The following SOX5 variants were observed in gnomAD, a reference collection of about 807,000 sequenced individuals.
SOX5 encodes SRY-box transcription factor 5.
In SOX5, 9 loss-of-function variants were observed where a neutral mutation model predicts 92.0. The ratio of observed to expected loss-of-function variants is 0.10; its 90% CI spans 0.06 to 0.17. The LOEUF is 0.17. Among genes scored for constraint, SOX5 ranks in the 10% least tolerant of loss-of-function variants. SOX5 has a pLI of 1.00. For synonymous variants in SOX5, 344 were observed against 336.3 expected (o/e 1.02, Z -0.25); for missense variants, 642 against 944.5 (o/e 0.68, Z 4.20).
At chr12:24,378,655 A>G (rs1957524437) in intron 1 of SOX5, among the ~76,000 whole-genome samples, 1 of 152,230 alleles carries the variant, frequency 6.6e-6, no homozygotes, top group Admixed American at 6.5e-5. Context: ...TCTTGCTGCA[A>G]CTTAGCAGAT....
intron 8 of SOX5, among the ~76,000 whole-genome samples, chr12:23,616,173 A>C (rs1440439401): frequency 3.3e-5 from 5 of 152,178 alleles, no homozygotes; most frequent in African/African-American, 1.2e-4. Flanking sequence ...TTAACCACTA[A>C]GGTGACGCCT....
intron 1 of SOX5, among the ~76,000 whole-genome samples, chr12:24,402,512 T>C (rs1186363247): frequency 6.6e-6 from 1 of 152,194 alleles, no homozygotes; most frequent in African/African-American, 2.4e-5. Context: ...CTCTCTTGTT[T>C]TAAGAACCTG....
intron 1 of SOX5, among the ~76,000 whole-genome samples, chr12:24,390,223 A>G (rs1253240757): frequency 6.6e-6 from 1 of 152,138 alleles, no homozygotes; most frequent in Non-Finnish European, 1.5e-5. Flanking sequence ...CACACGTAAC[A>G]TTATGTGAAT....
At chr12:23,896,778 A>G (rs1412080368) in intron 1 of SOX5, among the ~76,000 whole-genome samples, 3 of 151,822 alleles carry the variant, frequency 2.0e-5, no homozygotes, top group Admixed American at 2.0e-4. Context: ...AACTCTATGA[A>G]TGATTTAGAT....
intron 2 of SOX5, among the ~76,000 whole-genome samples, chr12:23,862,990 A>C (rs943680200): frequency 2.0e-5 from 3 of 152,166 alleles, no homozygotes; most frequent in Admixed American, 2.0e-4. Context: ...GAACTATGCA[A>C]CTAGTAGACA....
At chr12:24,261,867 T>C (rs1942143169) in intron 3 of SOX5, among the ~76,000 whole-genome samples, 1 of 152,214 alleles carries the variant, frequency 6.6e-6, no homozygotes, top group South Asian at 2.1e-4. Flanking sequence ...CCCAAGCCTG[T>C]GAAACCTCTT....
intron 8 of SOX5, among the ~76,000 whole-genome samples, chr12:23,606,848 C>T (rs989592072): frequency 5.9e-5 from 9 of 151,970 alleles, no homozygotes; most frequent in African/African-American, 2.2e-4. Flanking sequence ...AAAAGAAATG[C>T]TTTTGAGTTG....
At position 23,686,392 on chromosome 12, in the gene SOX5, A is replaced by G. The variant is rs193162628; in HGVS notation, c.811-20828T>C. On this transcript the variant is annotated intron_variant, in intron 6 of 14. Coordinates refer to ENST00000451604, the MANE Select transcript of SOX5 (RefSeq NM_006940.6). ...ATAAAAATATCAGCTTAAGAAGGGA[A>G]ATGTGAAATGGATGACATATTTTAG... Among the ~76,000 whole-genome samples the G allele has an allele frequency of 3.1e-3, 476 of 152,314 alleles. 3 individuals carry two copies. The highest frequency in any genetic ancestry group is 0.011 in the African/African-American group (458 of 41,576).
rs1018788225 is a variant in SOX5, at chr12:23,563,473, A to C, written c.1343-70T>G. On this transcript the variant is annotated intron_variant, in intron 10 of 14. Transcript: ENST00000451604. ...GTCTAGGCTAGCGTTTAACCATAAA[A>C]ATCACTTTTCTTGGTAATAGGTAGT... is the stretch of plus-strand genomic sequence containing the variant. 11 of 1,451,128 alleles carry C rather than the reference A, an allele frequency of 7.6e-6. No homozygotes were observed. The East Asian group carries it at 2.5e-4, about 34-fold the overall frequency. The allele number at this position is 1,451,128 out of a possible 1,614,324, so 89.9% of individuals were successfully genotyped here.
Position 23,604,465 on chromosome 12 carries a change from T to C in SOX5, c.1086A>G (p.Gln362=), listed in dbSNP as rs1157148195. 14 of 1,613,744 alleles carry C rather than the reference T, an allele frequency of 8.7e-6. No individual in the cohort carries two copies. Among genetic ancestry groups the C allele is most frequent in the Middle Eastern group, 1.6e-4 (1 of 6,072 alleles). Residue 362 remains glutamine, a synonymous_variant, in exon 9 of 15, where the codon CAA becomes CAG. Transcript: ENST00000451604. ...SPGGKLPGIP[Q]GNLGAAVSPT... ...GAGATACAGCAGCACCAAGGTTGCC[T>C]TGGGGTATGCCTGGCAGCTTCCCTC...
intron 3 of SOX5, among the ~76,000 whole-genome samples, chr12:23,844,869 A>G (rs1207271409): frequency 2.0e-5 from 3 of 152,222 alleles, no homozygotes; most frequent in Admixed American, 6.5e-5. Context: ...CTGCATTTTT[A>G]TCTCCATGAG....
chr12:24,398,837 GCCAC>G (rs772442541), intron 1 of SOX5, among the ~76,000 whole-genome samples: 44 of 152,118 alleles, frequency 2.9e-4, no homozygotes, highest in Admixed American at 1.4e-3. Flanking sequence ...TTTCACTCCC[GCCAC>G]CCATGAGCAT....
intron 3 of SOX5, among the ~76,000 whole-genome samples, chr12:23,823,822 C>CT (rs534826268): frequency 4.7e-4 from 71 of 152,288 alleles, no homozygotes; most frequent in African/African-American, 1.6e-3. Context: ...CCATTTCATT[C>CT]TTTTTTCTCT....
chr12:23,714,273 A>C (rs943583473), intron 6 of SOX5, among the ~76,000 whole-genome samples: 2 of 152,194 alleles, frequency 1.3e-5, no homozygotes, highest in Non-Finnish European at 2.9e-5. Context: ...GGCAATGGCA[A>C]TAGACTAATT....
At chr12:23,988,877 C>T (rs1489058222) in intron 4 of SOX5, among the ~76,000 whole-genome samples, 1 of 152,118 alleles carries the variant, frequency 6.6e-6, no homozygotes, top group Non-Finnish European at 1.5e-5. Context: ...AGTCTCTTTT[C>T]CACCACTCCA....
chr12:23,944,216 C>A (rs1944162320), intron 1 of SOX5: 1 of 152,044 alleles, frequency 6.6e-6, no homozygotes, highest in South Asian at 2.1e-4. Flanking sequence ...TCTCGGCAGC[C>A]CACTGAGCAG....
At chr12:24,440,431 G>A (rs1481588033) in intron 1 of SOX5, among the ~76,000 whole-genome samples, 1 of 152,132 alleles carries the variant, frequency 6.6e-6, no homozygotes, top group Non-Finnish European at 1.5e-5. Flanking sequence ...TACTAGTTGT[G>A]AAAGTGTGGC....
chr12:23,907,206 G>A (rs1382634944), intron 1 of SOX5, among the ~76,000 whole-genome samples: 1 of 152,050 alleles, frequency 6.6e-6, no homozygotes, highest in Admixed American at 6.6e-5. Context: ...ACACGTGCGT[G>A]CAGAGAGAGA....
intron 4 of SOX5, among the ~76,000 whole-genome samples, chr12:24,082,314 G>A (rs1319672844): frequency 3.0e-5 from 4 of 134,136 alleles, no homozygotes; most frequent in Non-Finnish European, 6.2e-5. Context: ...GCACTATTTA[G>A]TTTTGCCTGG....
Sources: allele counts gnomAD v4.1 joint callset (sites outside exome capture counted in the v4.1 genomes callset), GRCh38; gene constraint gnomAD v4.1.1; transcripts MANE v1.5; gene names NCBI Gene and HGNC (gene_info 2026-07-23, HGNC 2026-07-21).